Variants in FAM13C observed in about 807,000 individuals in gnomAD.
FAM13C encodes protein FAM13C.
Under a neutral mutation model 73.2 loss-of-function variants are expected in FAM13C, and 37 were observed. The observed-to-expected ratio is 0.51, with a 90% CI of 0.39 to 0.67. FAM13C has a LOEUF of 0.67. Among genes scored for constraint, FAM13C ranks in the 30% least tolerant of loss-of-function variants. The pLI is 0.00. For synonymous variants in FAM13C, 246 were observed against 260.9 expected (o/e 0.94, Z 0.55); for missense variants, 589 against 715.6 (o/e 0.82, Z 2.02).
intron 3 of FAM13C, among the ~76,000 whole-genome samples, chr10:59,326,043 T>C (rs954751449): frequency 6.7e-6 from 1 of 150,012 alleles, no homozygotes; most frequent in South Asian, 2.1e-4. Flanking sequence ...TACTGTTTGA[T>C]TTTTTTTTTG....
intron 4 of FAM13C, among the ~76,000 whole-genome samples, chr10:59,317,768 AG>A (rs1360717914): frequency 6.6e-6 from 1 of 151,842 alleles, no homozygotes; most frequent in East Asian, 1.9e-4. Flanking sequence ...TTATACTTTA[AG>A]TTTTAGGGTA....
chr10:59,317,288 C>T (rs1026311970), intron 4 of FAM13C, among the ~76,000 whole-genome samples: 39 of 152,212 alleles, frequency 2.6e-4, no homozygotes, highest in African/African-American at 8.7e-4. Flanking sequence ...TCGCCTCAGG[C>T]ACACTGAACA....
intron 11 of FAM13C, among the ~76,000 whole-genome samples, chr10:59,253,485 G>A (rs1432752191): frequency 1.3e-5 from 2 of 152,218 alleles, no homozygotes; most frequent in Non-Finnish European, 2.9e-5. Context: ...TCAGGGGAGA[G>A]CTATTTGAAG....
intron 3 of FAM13C, among the ~76,000 whole-genome samples, chr10:59,325,211 T>C (rs907768107): frequency 2.6e-5 from 4 of 152,110 alleles, no homozygotes; most frequent in African/African-American, 7.2e-5. Flanking sequence ...CCAGCTCCTC[T>C]ATTAAGGGTG....
chr10:59,321,759 A>C (rs1453002903), intron 4 of FAM13C, among the ~76,000 whole-genome samples: 1 of 151,978 alleles, frequency 6.6e-6, no homozygotes, highest in Non-Finnish European at 1.5e-5. Context: ...TCCGCTCCAA[A>C]ATCTCACCTC....
rs185773369 is a variant in FAM13C, at chr10:59,314,353, A to G, written c.443+9635T>C. On this transcript the variant is annotated intron_variant, in intron 4 of 13. Coordinates refer to ENST00000618804, the MANE Select transcript of FAM13C (RefSeq NM_198215.4). ...ACATGCAGTTCATTTAATCCTTGCG[A>G]CAGTAGCTCTGGGAAGTAGATATTT... Among the ~76,000 whole-genome samples the G allele has an allele frequency of 1.9e-3, 287 of 152,304 alleles. 3 individuals carry two copies. Among genetic ancestry groups the G allele is most frequent in the Non-Finnish European group, 3.2e-4 (22 of 68,026 alleles).
At chr10:59,300,446 T>C (rs1206109403) in intron 5 of FAM13C, among the ~76,000 whole-genome samples, 2 of 151,172 alleles carry the variant, frequency 1.3e-5, no homozygotes, top group African/African-American at 4.9e-5. Flanking sequence ...TGTGGGGAGG[T>C]GGTGAATAAA....
At chr10:59,282,258 C>G (rs553733736) in intron 6 of FAM13C, 1 of 152,130 alleles carries the variant, frequency 6.6e-6, no homozygotes, top group Admixed American at 6.5e-5. Context: ...AGAACAGTGC[C>G]AGGATCATAG....
intron 3 of FAM13C, among the ~76,000 whole-genome samples, chr10:59,350,638 C>G (rs567932867): frequency 6.6e-6 from 1 of 152,194 alleles, no homozygotes; most frequent in Non-Finnish European, 1.5e-5. Context: ...CACAACACAC[C>G]TTCATTAATG....
chr10:59,343,430 C>A (rs1203836445), intron 3 of FAM13C, among the ~76,000 whole-genome samples: 1 of 152,078 alleles, frequency 6.6e-6, no homozygotes, highest in Non-Finnish European at 1.5e-5. Context: ...TTAACTTCAT[C>A]TTGCTTTGGA....
At chr10:59,319,072 AACAC>A (rs59965630) in intron 4 of FAM13C, among the ~76,000 whole-genome samples, 12,821 of 134,452 alleles carry the variant, frequency 0.095, 556 homozygotes, top group African/African-American at 0.15. Context: ...TAGCTATTCA[AACAC>A]ACACACACAC....
intron 4 of FAM13C, among the ~76,000 whole-genome samples, chr10:59,307,312 G>GTCT (rs912123561): frequency 6.6e-6 from 1 of 151,978 alleles, no homozygotes; most frequent in African/African-American, 2.4e-5. Flanking sequence ...TTTTTGCTTC[G>GTCT]TTATGTGCTA....
At chr10:59,283,236 A>C in intron 6 of FAM13C, 127 bp downstream of exon 6, 3 of 944,494 alleles carry the variant, frequency 3.2e-6, no homozygotes, top group Non-Finnish European at 4.9e-6. Context: ...ACTCAGAAGC[A>C]CCTCTTGGGC....
chr10:59,361,797 C>T (rs1856451431), intron 1 of FAM13C, among the ~76,000 whole-genome samples: 1 of 152,128 alleles, frequency 6.6e-6, no homozygotes, highest in Non-Finnish European at 1.5e-5. Flanking sequence ...CTCCTTCATT[C>T]CATGTTTGAA....
intron 13 of FAM13C, among the ~76,000 whole-genome samples, chr10:59,248,489 T>C (rs1019209812): frequency 6.6e-6 from 1 of 152,174 alleles, no homozygotes; most frequent in African/African-American, 2.4e-5. Context: ...CAAAAATATG[T>C]TGTCAGGAAA....
chr10:59,267,851 C>T, intron 8 of FAM13C, among the ~76,000 whole-genome samples: 1 of 152,190 alleles, frequency 6.6e-6, no homozygotes, highest in East Asian at 1.9e-4. Context: ...GTCCAGTTCT[C>T]TGTGGATATG....
At chr10:59,310,255 C>A (rs117511141) in intron 4 of FAM13C, among the ~76,000 whole-genome samples, 1 of 152,226 alleles carries the variant, frequency 6.6e-6, no homozygotes, top group Non-Finnish European at 1.5e-5. Context: ...AATGTATACC[C>A]GGATGACTGC....
intron 1 of FAM13C, among the ~76,000 whole-genome samples, chr10:59,359,518 C>A (rs1466048661): frequency 6.6e-6 from 1 of 152,228 alleles, no homozygotes; most frequent in Non-Finnish European, 1.5e-5. Context: ...TGCAGAGGTA[C>A]AGCCTCCTGT....
At position 59,352,404 on chromosome 10, in the gene FAM13C, C is replaced by T; in HGVS notation, c.190G>A (p.Glu64Lys). The T allele has an allele frequency of 6.2e-7, 1 of 1,613,992 alleles. No individual in the cohort carries two copies. Among genetic ancestry groups the T allele is most frequent in the Non-Finnish European group, 8.5e-7 (1 of 1,180,028 alleles). The change falls in exon 3 of 14, where the codon GAG becomes AAG. Residue 64 changes from glutamate (E) to lysine (K), a missense_variant. Physicochemically the swap from Glu to Lys is moderately conservative, Grantham distance 56. Coordinates refer to ENST00000618804, the MANE Select transcript of FAM13C (RefSeq NM_198215.4). ...LVEEHAPPSW[E>K]PQQQNVEATV... ...GCCTCTACATTCTGCTGCTGCGGCTCCCAAGAGGGCGGCGCGTGCTCTTCT... is the reference window on the plus strand; with the variant it reads ...GCCTCTACATTCTGCTGCTGCGGCTTCCAAGAGGGCGGCGCGTGCTCTTCT...
Sources: allele counts gnomAD v4.1 joint callset (sites outside exome capture counted in the v4.1 genomes callset), GRCh38; gene constraint gnomAD v4.1.1; transcripts MANE v1.5; gene names NCBI Gene and HGNC (gene_info 2026-07-23, HGNC 2026-07-21).